Variants in NID1 observed in about 807,000 individuals in gnomAD.
NID1 encodes nidogen-1.
NID1 carries 76 observed loss-of-function variants against 130.6 expected under a neutral mutation model. The ratio of observed to expected loss-of-function variants is 0.58; its 90% CI spans 0.48 to 0.70. The LOEUF is 0.70. Among genes scored for constraint, NID1 ranks in the 30% least tolerant of loss-of-function variants. The pLI, the probability that NID1 is intolerant of heterozygous loss-of-function variation, is 0.00. For missense variants in NID1, 1,517 were observed against 1,664.8 expected, an observed-to-expected ratio of 0.91 and a Z score of 1.54; for synonymous variants, 665 against 675.1, an observed-to-expected ratio of 0.98 and a Z score of 0.23.
intron 12 of NID1, among the ~76,000 whole-genome samples, chr1:235,995,679 CA>C (rs1463263241): frequency 6.6e-6 from 1 of 152,234 alleles, no homozygotes; most frequent in African/African-American, 2.4e-5. Context: ...GTTAATCCTT[CA>C]GAAATCAGCT....
At chr1:236,014,212 C>CA (rs1558433226) in intron 10 of NID1, among the ~76,000 whole-genome samples, 1 of 81,010 alleles carries the variant, frequency 1.2e-5, no homozygotes, top group Non-Finnish European at 3.5e-5. Context: ...CTTCCCCCCA[C>CA]CCCCTCAACT....
At chr1:236,001,059 G>A (rs905703659) in intron 12 of NID1, among the ~76,000 whole-genome samples, 2 of 151,958 alleles carry the variant, frequency 1.3e-5, no homozygotes, top group African/African-American at 4.8e-5. Context: ...CTCTGGACAA[G>A]GTCACTCAGG....
At chr1:236,029,813 G>A (rs1173703130) in intron 6 of NID1, 63 bp from the exon 7 acceptor site, 1 of 1,531,660 alleles carries the variant, frequency 6.5e-7, no homozygotes, top group Non-Finnish European at 9.0e-7. Context: ...GCCCGCCCCA[G>A]GCTCACAGTG....
chr1:236,024,414 A>C (rs538582144), intron 8 of NID1, among the ~76,000 whole-genome samples: 1 of 152,232 alleles, frequency 6.6e-6, no homozygotes. Context: ...ATAAAGTTTT[A>C]TTAGCAACCA....
intron 3 of NID1, among the ~76,000 whole-genome samples, chr1:236,043,882 C>T (rs1390451984): frequency 6.6e-6 from 1 of 152,048 alleles, no homozygotes; most frequent in East Asian, 1.9e-4. Flanking sequence ...ACCTTTGGTG[C>T]TTAAAGGATA....
chr1:236,052,779 T>C (rs1406955733), intron 1 of NID1, among the ~76,000 whole-genome samples: 1 of 152,144 alleles, frequency 6.6e-6, no homozygotes, highest in Non-Finnish European at 1.5e-5. Flanking sequence ...TGTGGGTGTG[T>C]GGGAGCCCCC....
Position 236,015,199 on chromosome 1 carries a change from A to T in NID1, c.2255-1639T>A, listed in dbSNP as rs527351316. Reference sequence around the variant, plus strand: ...GACCTAGAACACTGTTTCAACAAGGAATTCCAAGAGAGATGGAATGACCAC... The same window carrying T: ...GACCTAGAACACTGTTTCAACAAGGTATTCCAAGAGAGATGGAATGACCAC... On this transcript the variant is annotated intron_variant, in intron 10 of 19. Transcript: ENST00000264187. Among the ~76,000 whole-genome samples, 3 of 152,296 alleles carry T rather than the reference A, an allele frequency of 2.0e-5. No individual in the cohort carries two copies. The South Asian group carries it at 6.2e-4, about 32-fold the overall frequency.
intron 14 of NID1, among the ~76,000 whole-genome samples, chr1:235,988,254 A>C (rs1657626802): frequency 6.6e-6 from 1 of 152,258 alleles, no homozygotes; most frequent in Non-Finnish European, 1.5e-5. Context: ...TTCTCCAAAG[A>C]AGATATACAA....
intron 6 of NID1, among the ~76,000 whole-genome samples, chr1:236,031,204 C>T (rs532020769): frequency 3.4e-4 from 52 of 152,114 alleles, no homozygotes; most frequent in African/African-American, 1.2e-3. Flanking sequence ...CTGCAACCTC[C>T]GCCTCCTGGG....
chr1:235,993,625 C>T lies in NID1; in HGVS notation c.2755+20G>A, dbSNP rs1657828051. 1 of 1,507,646 alleles carries T rather than the reference C, an allele frequency of 6.6e-7. No homozygotes were observed. Among genetic ancestry groups the T allele is most frequent in the Admixed American group, 2.0e-5 (1 of 48,884 alleles). The allele number at this position is 1,507,646 out of a possible 1,614,324, so 93.4% of individuals were successfully genotyped here. A position where few individuals can be genotyped will look rare whatever the true frequency, so the allele number is the denominator to read the frequency against. On this transcript the variant is annotated intron_variant, in intron 13 of 19. Coordinates refer to ENST00000264187, the MANE Select transcript of NID1 (RefSeq NM_002508.3). ...GGTCCTTCTCAGGCACACGCCCAAG[C>T]ACGGCCTGCACCCACTTACACGGGG...
At position 235,981,660 on chromosome 1, in the gene NID1, C is replaced by A; in HGVS notation, c.3178G>T (p.Glu1060Ter). The part of the protein sequence containing the change: ...LDGTQRRVLF[E>*]TDLVNPRGIV... ...CCTCTGGGATTCACCAAGTCAGTCT[C>A]AAAGAGCACCCGGCGCTGCGTGCCG... The change falls in exon 16 of 20, where the codon GAG (glutamate) becomes TAG (stop). Residue 1060 changes from glutamate (E) to a stop codon, truncating the protein, a stop_gained. Transcript: ENST00000264187. LOFTEE classifies it high-confidence loss of function. The A allele has an allele frequency of 6.2e-7, 1 of 1,614,178 alleles. No individual in the cohort carries two copies. The highest frequency in any genetic ancestry group is 8.5e-7 in the Non-Finnish European group (1 of 1,180,030).
chr1:236,013,602 C>A (rs751351013), intron 10 of NID1, 42 bp from the exon 11 acceptor site: 5 of 1,612,958 alleles, frequency 3.1e-6, no homozygotes, highest in South Asian at 1.1e-5. Flanking sequence ...GGAAGAAAGT[C>A]CCCTGAGCAG....
intron 12 of NID1, among the ~76,000 whole-genome samples, chr1:236,000,659 T>C (rs897405007): frequency 9.9e-5 from 15 of 152,172 alleles, no homozygotes; most frequent in African/African-American, 3.1e-4. Flanking sequence ...TTGGGCAAAA[T>C]AAATTGTTAA....
At chr1:235,996,929 G>A (rs1299605189) in intron 12 of NID1, among the ~76,000 whole-genome samples, 1 of 151,970 alleles carries the variant, frequency 6.6e-6, no homozygotes, top group Non-Finnish European at 1.5e-5. Context: ...CTGCCTCCCG[G>A]GTTCAAGCGA....
chr1:236,022,593 C>T (rs1219378781), intron 9 of NID1, among the ~76,000 whole-genome samples: 3 of 151,262 alleles, frequency 2.0e-5, no homozygotes, highest in African/African-American at 4.8e-5. Flanking sequence ...CCACCTCGGC[C>T]TCCCAAAGTG....
At chr1:235,998,402 C>T (rs1292591890) in intron 12 of NID1, among the ~76,000 whole-genome samples, 1 of 152,138 alleles carries the variant, frequency 6.6e-6, no homozygotes, top group Non-Finnish European at 1.5e-5. Context: ...TGGCTGGGCA[C>T]GTTGGTTCAC....
At chr1:236,029,850 T>A (rs1279204512) in intron 6 of NID1, 100 bp from the exon 7 acceptor site, 20 of 1,070,168 alleles carry the variant, frequency 1.9e-5, no homozygotes, top group Non-Finnish European at 2.6e-5. Flanking sequence ...CGAACGCTTC[T>A]GCAGGTGCTT....
In NID1 at chr1:235,979,432, C is replaced by T. The variant is rs995958807; in HGVS notation, c.3510-325G>A. On this transcript the variant is annotated intron_variant, in intron 18 of 19. Transcript: ENST00000264187. This position sits in a 1 kb window ranked among gnomAD's most constrained non-coding sequence, Gnocchi z 4.6. ...CAGGAAGGGGTAGTCAGGAAGAGGC[C>T]GTGGGAATATTGCAGTTTAACAACT... Among the ~76,000 whole-genome samples, 4 of 152,046 alleles carry T rather than the reference C, an allele frequency of 2.6e-5. No individual in the cohort carries two copies. Among genetic ancestry groups the T allele is most frequent in the East Asian group, 3.9e-4 (2 of 5,192 alleles).
At chr1:236,064,090 T>C (rs1004152287) in intron 1 of NID1, among the ~76,000 whole-genome samples, 1 of 152,122 alleles carries the variant, frequency 6.6e-6, no homozygotes, top group African/African-American at 2.4e-5. Flanking sequence ...ACAAGCCTTA[T>C]ATGAAATCCA....
Sources: allele counts gnomAD v4.1 joint callset (sites outside exome capture counted in the v4.1 genomes callset), GRCh38; gene constraint gnomAD v4.1.1; non-coding constraint Gnocchi (gnomAD v3.1); transcripts MANE v1.5; gene names NCBI Gene and HGNC (gene_info 2026-07-23, HGNC 2026-07-21).